The following PTPRG variants were observed in gnomAD, a reference collection of about 807,000 sequenced individuals.
PTPRG encodes the protein receptor-type tyrosine-protein phosphatase gamma.
A neutral mutation model predicts 165.3 loss-of-function variants in PTPRG; 102 were observed. The observed-to-expected ratio is 0.62, with a 90% confidence interval of 0.53 to 0.73. The LOEUF is 0.73. Ranked by LOEUF, PTPRG falls within the 30% of genes least tolerant of loss-of-function variation. The probability of loss-of-function intolerance (pLI) is 0.00; values close to 1 mark genes in which losing one functional copy is unlikely to be tolerated. For synonymous variants in PTPRG, 675 were observed against 669.5 expected (o/e 1.01, Z -0.13); for missense variants, 1,866 against 1,861.4 (o/e 1.00, Z -0.05).
chr3:61,815,120 G>C (rs2035716223), intron 2 of PTPRG, among the ~76,000 whole-genome samples: 1 of 151,860 alleles, frequency 6.6e-6, no homozygotes, highest in Non-Finnish European at 1.5e-5. Flanking sequence ...AATCTGGCTG[G>C]GCACAGTGCT....
At chr3:61,743,591 C>T (rs1451680500) in intron 1 of PTPRG, among the ~76,000 whole-genome samples, 1 of 152,138 alleles carries the variant, frequency 6.6e-6, no homozygotes, top group Non-Finnish European at 1.5e-5. Context: ...GCATATACTG[C>T]TGGGCTTCTC....
intron 1 of PTPRG, among the ~76,000 whole-genome samples, chr3:61,658,464 C>T (rs1444855215): frequency 1.3e-5 from 2 of 152,148 alleles, no homozygotes; most frequent in African/African-American, 4.8e-5. Context: ...TTTTTGTGAC[C>T]TTGGGAAAGT....
At chr3:61,642,515 C>T (rs1257333471) in intron 1 of PTPRG, among the ~76,000 whole-genome samples, 12 of 152,102 alleles carry the variant, frequency 7.9e-5, no homozygotes, top group Non-Finnish European at 1.6e-4. Flanking sequence ...CAGAAGAGGT[C>T]TGCATTTTGC....
chr3:61,596,055 C>T (rs1432879275), intron 1 of PTPRG, among the ~76,000 whole-genome samples: 6 of 152,124 alleles, frequency 3.9e-5, no homozygotes, highest in Admixed American at 3.3e-4. Flanking sequence ...GCACAATCTC[C>T]ATTTGTATTT....
At chr3:61,772,530 C>T (rs974496006) in intron 2 of PTPRG, among the ~76,000 whole-genome samples, 1 of 152,026 alleles carries the variant, frequency 6.6e-6, no homozygotes, top group Non-Finnish European at 1.5e-5. Context: ...TTCCCCCAAG[C>T]CTACTTTCCT....
At chr3:61,598,102 C>T (rs943082760) in intron 1 of PTPRG, among the ~76,000 whole-genome samples, 2 of 152,192 alleles carry the variant, frequency 1.3e-5, no homozygotes, top group Non-Finnish European at 2.9e-5. Context: ...TGACCGGTCT[C>T]AGTGGTAACA....
chr3:61,821,889 G>T (rs1160501131), intron 2 of PTPRG, among the ~76,000 whole-genome samples: 3 of 152,208 alleles, frequency 2.0e-5, no homozygotes, highest in African/African-American at 7.2e-5. Flanking sequence ...TGAGTAAACA[G>T]AGCTGTTAGA....
At chr3:62,174,902 T>C (rs372261783) in intron 8 of PTPRG, among the ~76,000 whole-genome samples, 2 of 152,332 alleles carry the variant, frequency 1.3e-5, no homozygotes. Flanking sequence ...AAACAAACTT[T>C]TCATGCAGCC....
intron 5 of PTPRG, 109 bp from the exon 6 acceptor site, chr3:62,132,493 G>T: frequency 1.2e-6 from 1 of 865,670 alleles, no homozygotes; most frequent in South Asian, 1.4e-5. Flanking sequence ...GACCTAAGCA[G>T]CTTGCTAGAT....
chr3:61,641,005 A>G (rs1276011047), intron 1 of PTPRG, among the ~76,000 whole-genome samples: 1 of 152,168 alleles, frequency 6.6e-6, no homozygotes, highest in Non-Finnish European at 1.5e-5. Flanking sequence ...TCAGGAGAAG[A>G]TTCTTCGAGC....
Position 61,738,097 on chromosome 3 carries a change from A to C in PTPRG, c.86-10781A>C, listed in dbSNP as rs565716051. Among the ~76,000 whole-genome samples the C allele has an allele frequency of 9.6e-4, 143 of 149,420 alleles. 1 individual carries two copies. Among genetic ancestry groups the C allele is most frequent in the African/African-American group, 3.4e-3 (138 of 40,880 alleles). On this transcript the variant is annotated intron_variant, in intron 1 of 29. Coordinates refer to ENST00000474889, the MANE Select transcript of PTPRG (RefSeq NM_002841.4). ...CTAATTTTTTTTGTATTTTTAGCAG[A>C]GATGGGGTTTCACCGTGGTCTCGAT...
In PTPRG at chr3:62,237,478, A is replaced by G. The variant is rs185299674; in HGVS notation, c.2375+6167A>G. Among the ~76,000 whole-genome samples, 2 of 152,310 alleles carry G rather than the reference A, an allele frequency of 1.3e-5. No homozygotes were observed. Among genetic ancestry groups the G allele is most frequent in the East Asian group, 3.9e-4 (2 of 5,186 alleles). On this transcript the variant is annotated intron_variant, in intron 14 of 29. Transcript: ENST00000474889. The surrounding 1 kb of genome is among the most constrained non-coding windows in gnomAD (Gnocchi z 4.5). The stretch of plus-strand genomic sequence containing the variant: ...GTGCTGGCAGTGTATATTTTTCAGC[A>G]GGGAGCTCAGGGACTTGACGTTGAC...
intron 1 of PTPRG, among the ~76,000 whole-genome samples, chr3:61,606,984 G>A (rs767602292): frequency 9.2e-5 from 14 of 151,432 alleles, no homozygotes; most frequent in African/African-American, 2.7e-4. Context: ...CTCAGATGAC[G>A]TCCCCACCTA....
intron 2 of PTPRG, among the ~76,000 whole-genome samples, chr3:61,828,088 G>A (rs182878348): frequency 1.3e-5 from 2 of 152,278 alleles, no homozygotes; most frequent in African/African-American, 4.8e-5. Flanking sequence ...TGGTCATACT[G>A]AGTCATTGCG....
At chr3:61,839,552 G>A (rs1175018219) in intron 2 of PTPRG, among the ~76,000 whole-genome samples, 1 of 152,196 alleles carries the variant, frequency 6.6e-6, no homozygotes, top group Non-Finnish European at 1.5e-5. Context: ...CCTTGTCAGA[G>A]TTGGGACTTG....
intron 2 of PTPRG, among the ~76,000 whole-genome samples, chr3:61,820,244 A>T (rs1021006359): frequency 3.9e-5 from 6 of 152,196 alleles, no homozygotes; most frequent in African/African-American, 1.2e-4. Context: ...CCAATGGTGT[A>T]AATTCCCATC....
intron 2 of PTPRG, among the ~76,000 whole-genome samples, chr3:61,900,886 C>T (rs532988133): frequency 4.6e-5 from 7 of 152,230 alleles, no homozygotes; most frequent in African/African-American, 1.7e-4. Context: ...TGGTTTTAGG[C>T]AAGGGATCTA....
rs1394423491 is a variant in PTPRG, at chr3:61,634,537, C to CTG, written c.85+72177_85+72178dup. On this transcript the variant is annotated intron_variant, in intron 1 of 29. Transcript: ENST00000474889. ...CAGGCGCGTGAGCCACCGTGCCCGG[C>CTG]TGTGTGTGTGTGTTTTTTTTTTAAA... Among the ~76,000 whole-genome samples the CTG allele has an allele frequency of 2.6e-5, 4 of 151,814 alleles. 1 individual carries two copies. In the South Asian group the frequency reaches 6.2e-4, roughly 24 times the overall value.
intron 2 of PTPRG, among the ~76,000 whole-genome samples, chr3:61,926,384 C>G (rs144503383): frequency 1.5e-3 from 228 of 152,184 alleles, no homozygotes; most frequent in African/African-American, 5.3e-3. Flanking sequence ...CCTCCCCCTC[C>G]TCTCTCTTGC....
Sources: allele counts gnomAD v4.1 joint callset (sites outside exome capture counted in the v4.1 genomes callset), GRCh38; gene constraint gnomAD v4.1.1; non-coding constraint Gnocchi (gnomAD v3.1); transcripts MANE v1.5; gene names NCBI Gene and HGNC (gene_info 2026-07-23, HGNC 2026-07-21).